ERCC6L2: variants seen among roughly 807,000 people sequenced by gnomAD.
ERCC6L2 encodes the protein ERCC excision repair 6 like 2, also known as DNA excision repair protein ERCC-6-like 2.
A neutral mutation model predicts 132.0 loss-of-function variants in ERCC6L2; 77 were observed. The ratio of observed to expected loss-of-function variants is 0.58; its 90% confidence interval spans 0.49 to 0.71. ERCC6L2 has a LOEUF of 0.71. ERCC6L2 is among the 30% of genes least tolerant of loss of function. The pLI, the probability that ERCC6L2 is intolerant of heterozygous loss-of-function variation, is 0.00. For synonymous variants in ERCC6L2, 583 were observed against 632.4 expected (o/e 0.92, Z 1.17); for missense variants, 1,542 against 1,837.6 (o/e 0.84, Z 2.94).
chr9:96,025,715 T>C (rs1425608242), intron 19 of ERCC6L2: 1 of 152,260 alleles, frequency 6.6e-6, no homozygotes, highest in African/African-American at 2.4e-5. Flanking sequence ...TTTGTTTGCA[T>C]TGATATTTCC....
At position 96,016,283 on chromosome 9, in the gene ERCC6L2, T is replaced by C. The variant is rs1193205831; in HGVS notation, c.*3080T>C. Among the ~76,000 whole-genome samples the C allele has an allele frequency of 6.6e-6, 1 of 152,224 alleles. No individual in the cohort carries two copies. Among genetic ancestry groups the C allele is most frequent in the African/African-American group, 2.4e-5 (1 of 41,452 alleles). ...GTAAAACAATTAAAATGCAAGTCTG[T>C]TGCTTCAAGCAACACCACTGTGGCT... On this transcript the variant is annotated 3_prime_UTR_variant, in exon 19 of 19. Transcript: ENST00000653738.
At chr9:95,917,070 TC>T (rs1038075132) in intron 6 of ERCC6L2, among the ~76,000 whole-genome samples, 21 of 152,302 alleles carry the variant, frequency 1.4e-4, no homozygotes, top group African/African-American at 5.1e-4. Flanking sequence ...ACGTTGTCCT[TC>T]CTATACTGTG....
chr9:95,885,158 AT>A (rs1165431766), intron 2 of ERCC6L2, among the ~76,000 whole-genome samples: 1 of 152,144 alleles, frequency 6.6e-6, no homozygotes, highest in Non-Finnish European at 1.5e-5. Context: ...ACCTTCTGAC[AT>A]TTTTCTAAAA....
intron 11 of ERCC6L2, 83 bp downstream of exon 11, chr9:95,928,947 A>C: frequency 1.9e-6 from 2 of 1,037,568 alleles, no homozygotes; most frequent in Non-Finnish European, 2.7e-6. Context: ...TTACTGGATT[A>C]ATTTTTAATG....
At chr9:96,004,259 T>C (rs1833787759) in intron 17 of ERCC6L2, among the ~76,000 whole-genome samples, 1 of 152,224 alleles carries the variant, frequency 6.6e-6, no homozygotes, top group South Asian at 2.1e-4. Flanking sequence ...TCAACGTATG[T>C]ATCAGTATGC....
At chr9:95,921,095 A>G (rs1399683153) in intron 6 of ERCC6L2, 80 bp from the exon 7 acceptor site, 3 of 1,338,202 alleles carry the variant, frequency 2.2e-6, no homozygotes, top group Non-Finnish European at 3.1e-6. Context: ...GTTATAATCT[A>G]TGAAATCAGA....
At chr9:95,983,088 TA>T (rs2133127737) in intron 17 of ERCC6L2, among the ~76,000 whole-genome samples, 1 of 152,302 alleles carries the variant, frequency 6.6e-6, no homozygotes, top group South Asian at 2.1e-4. Context: ...TGCTTACCAA[TA>T]GGGGTGATGC....
intron 17 of ERCC6L2, among the ~76,000 whole-genome samples, chr9:95,982,892 G>A (rs1442943831): frequency 6.6e-6 from 1 of 152,056 alleles, no homozygotes; most frequent in East Asian, 1.9e-4. Flanking sequence ...TAAACATAGA[G>A]ACCTATTCCC....
At chr9:95,984,961 A>G (rs1345031508) in intron 17 of ERCC6L2, among the ~76,000 whole-genome samples, 1 of 152,162 alleles carries the variant, frequency 6.6e-6, no homozygotes, top group African/African-American at 2.4e-5. Context: ...CTCAGTGAGA[A>G]GTGTTTTCAG....
intron 2 of ERCC6L2, among the ~76,000 whole-genome samples, chr9:95,885,100 G>A (rs1827795817): frequency 6.6e-6 from 1 of 152,042 alleles, no homozygotes; most frequent in African/African-American, 2.4e-5. Context: ...CTTATAAGCA[G>A]GTTGCAGATT....
intron 18 of ERCC6L2, 48 bp downstream of exon 18, chr9:96,004,749 A>G (rs1833807933): frequency 2.6e-6 from 3 of 1,164,732 alleles, no homozygotes; most frequent in Non-Finnish European, 3.5e-6. Flanking sequence ...TTCTCAAAGG[A>G]AATGTAGCTC....
chr9:95,956,621 G>C (rs1055796200), intron 13 of ERCC6L2, among the ~76,000 whole-genome samples: 4 of 152,110 alleles, frequency 2.6e-5, no homozygotes, highest in African/African-American at 9.7e-5. Context: ...TGGTGGAAGG[G>C]GAAGCAAGCA....
At chr9:95,876,315 G>T in intron 1 of ERCC6L2, 2 of 470,198 alleles carry the variant, frequency 4.3e-6, no homozygotes, top group South Asian at 8.3e-5. Context: ...GTTACTTGCT[G>T]AGCAACTTTG....
intron 18 of ERCC6L2, among the ~76,000 whole-genome samples, chr9:96,008,958 G>T (rs887366884): frequency 1.3e-5 from 2 of 152,194 alleles, no homozygotes; most frequent in African/African-American, 4.8e-5. Flanking sequence ...TCACAGCCTT[G>T]CACTTGGTGG....
intron 11 of ERCC6L2, among the ~76,000 whole-genome samples, chr9:95,930,430 A>G (rs1156257487): frequency 6.6e-6 from 1 of 152,084 alleles, no homozygotes; most frequent in Non-Finnish European, 1.5e-5. Flanking sequence ...TTTAGTTTCT[A>G]TCATTTTGCA....
At chr9:95,950,360 A>G (rs962432010) in intron 12 of ERCC6L2, among the ~76,000 whole-genome samples, 1 of 152,196 alleles carries the variant, frequency 6.6e-6, no homozygotes, top group Non-Finnish European at 1.5e-5. Flanking sequence ...GAAATGAGAA[A>G]GGAATAAAAA....
chr9:95,897,963 G>C lies in ERCC6L2; in HGVS notation c.586G>C (p.Ala196Pro), dbSNP rs374911552. The C allele has an allele frequency of 6.2e-7, 1 of 1,605,026 alleles. No homozygotes were observed. The highest frequency in any genetic ancestry group is 8.5e-7 in the Non-Finnish European group (1 of 1,177,054). The change falls in exon 3 of 19, where the codon GCA becomes CCA. Residue 196 changes from alanine (A) to proline (P), a missense_variant. Ala to Pro is a conservative substitution (Grantham distance 27). Coordinates refer to ENST00000653738, the MANE Select transcript of ERCC6L2 (RefSeq NM_020207.7). ...SMKKEPLSST[A>P]KKMFLIVAPL... ...GAAAAAGGAACCCCTTTCTTCTACA[G>C]CAAAAAAGGTAAAATCTCTAGACAA...
chr9:95,995,872 C>G (rs1833454619), intron 17 of ERCC6L2, among the ~76,000 whole-genome samples: 2 of 152,224 alleles, frequency 1.3e-5, no homozygotes, highest in African/African-American at 4.8e-5. Context: ...CTACAACCAG[C>G]CATTTTCCCT....
intron 4 of ERCC6L2, among the ~76,000 whole-genome samples, chr9:95,915,350 A>C (rs1829531860): frequency 6.6e-6 from 1 of 152,096 alleles, no homozygotes; most frequent in Non-Finnish European, 1.5e-5. Flanking sequence ...TGCAAGTTTT[A>C]TTTCTTTTAT....
Sources: allele counts gnomAD v4.1 joint callset (sites outside exome capture counted in the v4.1 genomes callset), GRCh38; gene constraint gnomAD v4.1.1; transcripts MANE v1.5; gene names NCBI Gene and HGNC (gene_info 2026-07-23, HGNC 2026-07-21).